Variants in MEIS1 observed in about 807,000 individuals in gnomAD.
MEIS1 encodes homeobox protein Meis1.
A neutral mutation model predicts 50.8 loss-of-function variants in MEIS1; 5 were observed. That is an observed-to-expected ratio of 0.10 (90% CI 0.05 to 0.21). MEIS1 has a LOEUF of 0.21. MEIS1 is among the 10% of genes least tolerant of loss of function. The pLI, the probability that MEIS1 is intolerant of heterozygous loss-of-function variation, is 1.00. For synonymous variants in MEIS1, 176 were observed against 179.3 expected (o/e 0.98, Z 0.15); for missense variants, 318 against 517.3 (o/e 0.61, Z 3.74).
intron 8 of MEIS1, among the ~76,000 whole-genome samples, chr2:66,525,942 A>G (rs1674240415): frequency 6.6e-6 from 1 of 152,202 alleles, no homozygotes; most frequent in Non-Finnish European, 1.5e-5. Flanking sequence ...AAGTAACAGA[A>G]TCACTCACTG....
chr2:66,544,114 C>T (rs796232165), intron 8 of MEIS1, among the ~76,000 whole-genome samples: 13 of 152,266 alleles, frequency 8.5e-5, no homozygotes, highest in Middle Eastern at 3.4e-3. Flanking sequence ...CAGCACTTCT[C>T]GGAGATTACT....
At chr2:66,556,492 T>G (rs999463716) in intron 9 of MEIS1, among the ~76,000 whole-genome samples, 1 of 1,484 alleles carries the variant, frequency 6.7e-4, no homozygotes, top group Non-Finnish European at 8.3e-3. Context: ...ATAAAGTCAC[T>G]TTTTTTTTTT....
chr2:66,490,260 C>T (rs915507420), intron 7 of MEIS1, among the ~76,000 whole-genome samples: 17 of 152,262 alleles, frequency 1.1e-4, no homozygotes, highest in Admixed American at 8.5e-4. Context: ...ATGTGCATAG[C>T]GCATTTGCAG....
rs752369772 is a variant in MEIS1 at position 66,437,870 on chromosome 2, A to G, written c.146A>G (p.Gln49Arg). The G allele has an allele frequency of 1.2e-6, 2 of 1,613,102 alleles. No homozygotes were observed. The highest frequency in any genetic ancestry group is 2.2e-5 in the South Asian group (2 of 90,810). The stretch of plus-strand genomic sequence containing the variant: ...CACGGGCCTCCTCTGCACTCGCATC[A>G]GTACCCGCACACAGCTCATACCAAC... ...LNHGPPLHSH[Q>R]YPHTAHTNAM... Residue 49 changes from glutamine (Q) to arginine (R), a missense_variant, in exon 2 of 13, where the codon CAG becomes CGG. Physicochemically the swap from Gln to Arg is conservative, Grantham distance 43 (BLOSUM62 1). This residue lies in a region of MEIS1 where 100 missense variants were observed against 107.1 expected (regional missense o/e 0.93). Transcript: ENST00000272369.
chr2:66,504,672 T>C (rs1673645205), intron 7 of MEIS1, among the ~76,000 whole-genome samples: 1 of 152,204 alleles, frequency 6.6e-6, no homozygotes, highest in African/African-American at 2.4e-5. Context: ...AATACGTTTA[T>C]TTAAAGTTTG....
intron 9 of MEIS1, 72 bp downstream of exon 9, chr2:66,548,091 T>A: frequency 6.8e-7 from 1 of 1,472,400 alleles, no homozygotes. Flanking sequence ...ATGTTTTGCA[T>A]TAAGAAGACA....
chr2:66,547,278 A>G (rs528843673), intron 8 of MEIS1, among the ~76,000 whole-genome samples: 30 of 152,182 alleles, frequency 2.0e-4, no homozygotes, highest in African/African-American at 7.0e-4. Flanking sequence ...CTTGAGGAAC[A>G]TAGCTGGGCT....
At chr2:66,499,035 C>G (rs146808360) in intron 7 of MEIS1, among the ~76,000 whole-genome samples, 3 of 152,328 alleles carry the variant, frequency 2.0e-5, no homozygotes, top group African/African-American at 7.2e-5. Context: ...GCCTACGTCC[C>G]TGACTAACCG....
chr2:66,458,152 A>G (rs1261755358), intron 6 of MEIS1, among the ~76,000 whole-genome samples: 6 of 149,732 alleles, frequency 4.0e-5, no homozygotes, highest in African/African-American at 1.2e-4. Flanking sequence ...AGTTTTGAAG[A>G]AAAAAAAACT....
chr2:66,546,870 C>T (rs1162985721), intron 8 of MEIS1, among the ~76,000 whole-genome samples: 1 of 152,152 alleles, frequency 6.6e-6, no homozygotes, highest in Non-Finnish European at 1.5e-5. Context: ...GCCTTTTTAG[C>T]ATCTAATCAG....
intron 1 of MEIS1, chr2:66,436,879 T>TC (rs1671810611): frequency 2.0e-6 from 2 of 984,752 alleles, no homozygotes; most frequent in Admixed American, 1.2e-4. Context: ...GTAGTTTTTT[T>TC]TTTTTTTTTC....
chr2:66,570,711 A>G (rs1572913502), intron 12 of MEIS1: 2 of 152,546 alleles, frequency 1.3e-5, no homozygotes, highest in Admixed American at 6.5e-5. Context: ...AATTTTTCTT[A>G]TTGTTCTCAA....
At chr2:66,511,673 G>C (rs1673833901) in intron 7 of MEIS1, among the ~76,000 whole-genome samples, 1 of 152,118 alleles carries the variant, frequency 6.6e-6, no homozygotes, top group South Asian at 2.1e-4. Context: ...CCCCATCCTA[G>C]TTTAACTAGT....
chr2:66,509,122 AG>A (rs1673761928), intron 7 of MEIS1: 1 of 464,050 alleles, frequency 2.2e-6, no homozygotes, highest in African/African-American at 2.0e-5. Context: ...GAAATGCTAA[AG>A]GTACAATTGA....
In MEIS1 at chr2:66,435,501, G is replaced by C. The variant is rs1671777384; in HGVS notation, c.-356G>C. On this transcript the variant is annotated 5_prime_UTR_variant, in exon 1 of 13. It removes an upstream start codon present in the reference 5' UTR. Coordinates refer to ENST00000272369, the MANE Select transcript of MEIS1 (RefSeq NM_002398.3). ...GACAGCTGGAGTGGCAGAAAGCCAT[G>C]AGATTTGGTAGTTGGGTCTGAGGGG... 2.8e-6 allele frequency: 1 copy of C among 363,322 alleles called. No individual in the cohort carries two copies. Among genetic ancestry groups the C allele is most frequent in the Admixed American group, 4.6e-5 (1 of 21,818 alleles). The allele number at this position is 363,322 out of a possible 1,614,324, so 22.5% of individuals were successfully genotyped here.
chr2:66,506,483 G>A (rs547019893), intron 7 of MEIS1, among the ~76,000 whole-genome samples: 5 of 152,164 alleles, frequency 3.3e-5, no homozygotes, highest in Admixed American at 1.3e-4. Flanking sequence ...GTGCCAGTGC[G>A]TATGGGGACT....
rs750064744 is a variant in MEIS1, at chr2:66,442,967, C to T, written c.549C>T (p.Ile183=). 1 of 1,603,640 alleles carries T rather than the reference C, an allele frequency of 6.2e-7. No individual in the cohort carries two copies. The highest frequency in any genetic ancestry group is 1.1e-5 in the South Asian group (1 of 87,918). ...YISCLKGKMP[I]DLVIDDREGG... ...GCTGTTTGAAAGGGAAAATGCCTAT[C>T]GATTTGGTGATAGACGATAGAGAAG... The change falls in exon 6 of 13, where the codon ATC becomes ATT. Residue 183 remains isoleucine, a synonymous_variant. Coordinates refer to ENST00000272369, the MANE Select transcript of MEIS1 (RefSeq NM_002398.3).
rs997397725 is a variant in MEIS1 at position 66,571,516 on chromosome 2, T to G, written c.*308T>G. 1.3e-6 allele frequency: 2 copies of G among 1,569,952 alleles called. No homozygotes were observed. Among genetic ancestry groups the G allele is most frequent in the East Asian group, 4.7e-5 (2 of 42,368 alleles). ...ACAATGAGTGGACAAGTCATGGACA[T>G]TCATGCTCAGTAGCTTAAGGGAATA... On this transcript the variant is annotated 3_prime_UTR_variant, in exon 13 of 13. Transcript: ENST00000272369.
At chr2:66,536,828 T>A (rs1400300677) in intron 8 of MEIS1, among the ~76,000 whole-genome samples, 1 of 152,206 alleles carries the variant, frequency 6.6e-6, no homozygotes, top group Non-Finnish European at 1.5e-5. Flanking sequence ...GGGATGGAAC[T>A]TTTAGCAAGC....
Sources: gnomAD v4.1 joint callset for allele counts (sites outside exome capture counted in the v4.1 genomes callset) on GRCh38, gnomAD v4.1.1 for gene constraint, gnomAD v4.1.1 regional missense constraint, MANE v1.5 for transcripts, NCBI Gene and HGNC (gene_info 2026-07-23, HGNC 2026-07-21) for gene names.